YAF2: variants seen among roughly 807,000 people sequenced by gnomAD.
YAF2 encodes the protein YY1-associated factor 2.
YAF2 carries 7 observed loss-of-function variants against 20.1 expected under a neutral mutation model. That is an observed-to-expected ratio of 0.35 (90% CI 0.20 to 0.65). The LOEUF is 0.65. Ranked by LOEUF, YAF2 falls within the 30% of genes least tolerant of loss-of-function variation. The pLI is 0.69. For synonymous variants in YAF2, 74 were observed against 76.0 expected (o/e 0.97, Z 0.14); for missense variants, 151 against 219.2 (o/e 0.69, Z 1.96).
In YAF2 at chr12:42,184,877, G is replaced by C. The variant is rs763942664; in HGVS notation, c.153-23112C>G. Among the ~76,000 whole-genome samples, 4 of 152,176 alleles carry C rather than the reference G, an allele frequency of 2.6e-5. No homozygotes were observed. The East Asian group carries it at 7.7e-4, about 29-fold the overall frequency. On this transcript the variant is annotated intron_variant, in intron 2 of 3. Transcript: ENST00000534854. ...AGTAACAGCAGATGTGGTAGAAATA[G>C]CAAGAGAACTAGAATTAGGCCGGTG...
chr12:42,235,749 A>T, intron 2 of YAF2: 1 of 1,535,358 alleles, frequency 6.5e-7, no homozygotes, highest in Non-Finnish European at 8.7e-7. Flanking sequence ...ACAAGAGCTT[A>T]GATGTACTGG....
intron 2 of YAF2, among the ~76,000 whole-genome samples, chr12:42,215,432 A>T (rs1057343795): frequency 1.3e-5 from 2 of 152,182 alleles, no homozygotes; most frequent in Non-Finnish European, 2.9e-5. Context: ...AAAGAAAAAA[A>T]ACTCCAGTGT....
At chr12:42,190,628 T>C (rs2066590164) in intron 2 of YAF2, among the ~76,000 whole-genome samples, 1 of 152,314 alleles carries the variant, frequency 6.6e-6, no homozygotes, top group South Asian at 2.1e-4. Context: ...TTTCTAGTAA[T>C]GAAATTCTTA....
intron 2 of YAF2, among the ~76,000 whole-genome samples, chr12:42,198,030 C>A (rs2137139311): frequency 6.6e-6 from 1 of 151,976 alleles, no homozygotes; most frequent in South Asian, 2.1e-4. Flanking sequence ...AAAAAAAAAT[C>A]AGTTAATTTG....
At chr12:42,175,165 C>T (rs2066147085) in intron 2 of YAF2, among the ~76,000 whole-genome samples, 1 of 152,192 alleles carries the variant, frequency 6.6e-6, no homozygotes, top group African/African-American at 2.4e-5. Context: ...AACTGTGGTA[C>T]ATCCATACAA....
At chr12:42,181,603 G>C (rs1030035314) in intron 2 of YAF2, among the ~76,000 whole-genome samples, 1 of 152,098 alleles carries the variant, frequency 6.6e-6, no homozygotes. Context: ...AAACTTAAAA[G>C]GTAATTATGA....
At chr12:42,220,369 C>A (rs118022794) in intron 2 of YAF2, among the ~76,000 whole-genome samples, 1 of 152,282 alleles carries the variant, frequency 6.6e-6, no homozygotes, top group East Asian at 1.9e-4. Context: ...CACCCAGATT[C>A]TTTACATTAG....
chr12:42,197,897 G>C (rs1221999554), intron 2 of YAF2, among the ~76,000 whole-genome samples: 2 of 152,184 alleles, frequency 1.3e-5, no homozygotes, highest in African/African-American at 4.8e-5. Flanking sequence ...ATCTAGGACA[G>C]ATGAAAGCAA....
In YAF2 at chr12:42,235,078, G is replaced by T; in HGVS notation, c.152+2521C>A. The T allele has an allele frequency of 4.1e-6, 4 of 985,552 alleles. No individual in the cohort carries two copies. In the South Asian group the frequency reaches 1.9e-4, roughly 46 times the overall value. 61.1% of individuals were successfully genotyped at this position (985,552 alleles called of 1,614,324 possible). ...CTAAAAAGAAAAAAGTTTTTCAAAT[G>T]TCTAGAATGGCTTAGACTTGGCCTA... On this transcript the variant is annotated intron_variant, in intron 2 of 3. Coordinates refer to ENST00000534854, the MANE Select transcript of YAF2 (RefSeq NM_005748.6).
intron 2 of YAF2, among the ~76,000 whole-genome samples, chr12:42,213,071 C>T (rs572980374): frequency 1.1e-4 from 16 of 152,194 alleles, no homozygotes; most frequent in South Asian, 8.3e-4. Context: ...GAGCCAGGCA[C>T]GGTGGCTCAA....
chr12:42,213,811 G>C (rs2067277813), intron 2 of YAF2, among the ~76,000 whole-genome samples: 1 of 151,938 alleles, frequency 6.6e-6, no homozygotes, highest in Admixed American at 6.6e-5. Context: ...CATACATCAA[G>C]GTATTAGTAA....
chr12:42,179,398 A>T (rs2066281689), intron 2 of YAF2, among the ~76,000 whole-genome samples: 1 of 152,238 alleles, frequency 6.6e-6, no homozygotes, highest in Non-Finnish European at 1.5e-5. Context: ...TGAACCCAGG[A>T]GAAAGAGGTT....
intron 2 of YAF2, among the ~76,000 whole-genome samples, chr12:42,163,239 G>C (rs1296180370): frequency 6.6e-6 from 1 of 152,106 alleles, no homozygotes; most frequent in Non-Finnish European, 1.5e-5. Context: ...TTGAGATGGA[G>C]AGCAGAGTGG....
chr12:42,158,999 CA>C lies in YAF2; in HGVS notation c.*1589del, dbSNP rs1483292108. 6.6e-6 allele frequency: 1 copy of C among 152,034 alleles called. No homozygotes were observed. The highest frequency in any genetic ancestry group is 1.5e-5 in the Non-Finnish European group (1 of 67,976). 9.4% of individuals were successfully genotyped at this position (152,034 alleles called of 1,614,324 possible). ...CATTGAAAGTATCTTATAATAAACA[CA>C]AATTTTAATTTTTCATTTAACAACA... On this transcript the variant is annotated 3_prime_UTR_variant, in exon 4 of 4. Transcript: ENST00000534854.
intron 2 of YAF2, among the ~76,000 whole-genome samples, chr12:42,184,518 C>T (rs1011130503): frequency 5.3e-5 from 8 of 152,130 alleles, no homozygotes; most frequent in South Asian, 2.1e-4. Flanking sequence ...CCATGTTGAC[C>T]GCACTGGTCT....
At chr12:42,222,860 C>T (rs549768826) in intron 2 of YAF2, among the ~76,000 whole-genome samples, 4 of 151,676 alleles carry the variant, frequency 2.6e-5, no homozygotes, top group African/African-American at 9.7e-5. Flanking sequence ...GTGGCTGACA[C>T]ACAGTAAGTG....
At chr12:42,234,192 G>GAGAAAAGAAAAGAAAAGAAAAGAAA (rs67374165) in intron 2 of YAF2, 2 of 902,112 alleles carry the variant, frequency 2.2e-6, no homozygotes, top group African/African-American at 4.0e-5. Context: ...AAAAAAAAAA[G>GAGAAAAGAAAAGAAAAGAAAAGAAA]AGAAAAGAAA....
At chr12:42,188,319 G>A (rs981584136) in intron 2 of YAF2, among the ~76,000 whole-genome samples, 3 of 150,474 alleles carry the variant, frequency 2.0e-5, no homozygotes, top group Non-Finnish European at 3.0e-5. Flanking sequence ...TGGTTTCTAA[G>A]ATCATTTAAT....
intron 2 of YAF2, among the ~76,000 whole-genome samples, chr12:42,183,298 G>A (rs1214840251): frequency 2.0e-5 from 3 of 152,106 alleles, no homozygotes; most frequent in African/African-American, 2.4e-5. Flanking sequence ...GTTCAGGTGC[G>A]AGGAAGAGGC....
Sources: gnomAD v4.1 joint callset for allele counts (sites outside exome capture counted in the v4.1 genomes callset) on GRCh38, gnomAD v4.1.1 for gene constraint, MANE v1.5 for transcripts, NCBI Gene and HGNC (gene_info 2026-07-23, HGNC 2026-07-21) for gene names.